Variants in CTNNA2 observed in about 807,000 individuals in gnomAD.
The protein encoded by CTNNA2 is catenin alpha-2.
CTNNA2 carries 42 observed loss-of-function variants against 101.0 expected under a neutral mutation model. The ratio of observed to expected loss-of-function variants is 0.42; its 90% CI spans 0.32 to 0.54. CTNNA2 has a LOEUF of 0.54. Ranked by LOEUF, CTNNA2 falls within the 20% of genes least tolerant of loss-of-function variation. CTNNA2 has a pLI of 0.14. For synonymous variants in CTNNA2, 450 were observed against 456.4 expected (o/e 0.99, Z 0.18); for missense variants, 871 against 1,223.1 (o/e 0.71, Z 4.29).
At chr2:80,213,320 A>G (rs1708029114) in intron 7 of CTNNA2, among the ~76,000 whole-genome samples, 2 of 152,078 alleles carry the variant, frequency 1.3e-5, no homozygotes, top group African/African-American at 4.8e-5. Context: ...TGTCAATTTT[A>G]GATCTTTCCT....
At chr2:79,549,773 A>G (rs1673973756) in intron 1 of CTNNA2, among the ~76,000 whole-genome samples, 1 of 152,152 alleles carries the variant, frequency 6.6e-6, no homozygotes, top group South Asian at 2.1e-4. Flanking sequence ...AATTGGGGAT[A>G]TCATGGGAGG....
At chr2:80,033,606 C>T (rs1251223582) in intron 7 of CTNNA2, among the ~76,000 whole-genome samples, 2 of 152,036 alleles carry the variant, frequency 1.3e-5, no homozygotes, top group Admixed American at 6.6e-5. Flanking sequence ...AAACACTCAC[C>T]AAATTCGTAG....
At chr2:80,457,913 T>G (rs1684115017) in intron 9 of CTNNA2, among the ~76,000 whole-genome samples, 2 of 152,228 alleles carry the variant, frequency 1.3e-5, no homozygotes, top group African/African-American at 4.8e-5. Flanking sequence ...AAGAGATGAT[T>G]CACTTTTGAA....
intron 3 of CTNNA2, among the ~76,000 whole-genome samples, chr2:79,793,935 AACAT>A (rs1675489284): frequency 7.3e-6 from 1 of 137,492 alleles, no homozygotes; most frequent in South Asian, 2.1e-4. Context: ...AAGGAGATAA[AACAT>A]ACAAGAATAA....
At chr2:79,587,685 C>G (rs1676584639) in intron 1 of CTNNA2, among the ~76,000 whole-genome samples, 2 of 152,148 alleles carry the variant, frequency 1.3e-5, no homozygotes, top group African/African-American at 2.4e-5. Flanking sequence ...CATCATGGCT[C>G]AAAAGCCACT....
intron 8 of CTNNA2, among the ~76,000 whole-genome samples, chr2:80,413,836 G>T (rs1274550049): frequency 6.6e-6 from 1 of 152,138 alleles, no homozygotes; most frequent in Non-Finnish European, 1.5e-5. Context: ...GATTTTTTGA[G>T]CCTATTTGAA....
chr2:79,671,052 C>A (rs1294780047), intron 2 of CTNNA2, among the ~76,000 whole-genome samples: 1 of 152,178 alleles, frequency 6.6e-6, no homozygotes, highest in African/African-American at 2.4e-5. Flanking sequence ...CTGTTAACTG[C>A]CTACAGCACA....
chr2:79,926,998 T>C (rs1687064188), intron 7 of CTNNA2, among the ~76,000 whole-genome samples: 1 of 152,098 alleles, frequency 6.6e-6, no homozygotes, highest in Admixed American at 6.5e-5. Context: ...TTGAAAGGTG[T>C]ACAGCAATAA....
chr2:79,865,504 G>C (rs921532752), intron 4 of CTNNA2, among the ~76,000 whole-genome samples: 10 of 152,260 alleles, frequency 6.6e-5, no homozygotes, highest in Admixed American at 5.9e-4. Flanking sequence ...CTGGAATGGG[G>C]TCAGTCTGTC....
chr2:80,056,828 A>C (rs1323387245), intron 7 of CTNNA2, among the ~76,000 whole-genome samples: 1 of 152,158 alleles, frequency 6.6e-6, no homozygotes, highest in Admixed American at 6.5e-5. Context: ...GCTGATGTGC[A>C]TGGTTGATCC....
intron 7 of CTNNA2, among the ~76,000 whole-genome samples, chr2:80,237,663 C>T (rs1160867096): frequency 9.2e-5 from 14 of 152,046 alleles, no homozygotes; most frequent in African/African-American, 2.4e-5. Context: ...ATAGCCCTAC[C>T]CTGGGCAACA....
intron 4 of CTNNA2, among the ~76,000 whole-genome samples, chr2:79,499,772 C>G (rs755608334): frequency 5.9e-5 from 9 of 152,198 alleles, no homozygotes; most frequent in Non-Finnish European, 1.0e-4. Flanking sequence ...CTACATGGAG[C>G]CTTGCAGGCA....
At chr2:79,473,813 A>G (rs1671025454) in intron 4 of CTNNA2, among the ~76,000 whole-genome samples, 1 of 152,180 alleles carries the variant, frequency 6.6e-6, no homozygotes, top group Non-Finnish European at 1.5e-5. Flanking sequence ...GAGATAAAGA[A>G]TGCTAGAAAT....
At chr2:79,218,444 A>C (rs1674298034) in intron 2 of CTNNA2, among the ~76,000 whole-genome samples, 1 of 151,524 alleles carries the variant, frequency 6.6e-6, no homozygotes, top group Non-Finnish European at 1.5e-5. Flanking sequence ...CAGCCTCCCA[A>C]AGAGCTGGGA....
At chr2:79,871,052 A>G (rs1167674856) in intron 5 of CTNNA2, among the ~76,000 whole-genome samples, 1 of 152,198 alleles carries the variant, frequency 6.6e-6, no homozygotes, top group African/African-American at 2.4e-5. Flanking sequence ...TTCTTTCGCC[A>G]TAGAAAAAAT....
chr2:79,399,383 A>T (rs1678266296), intron 4 of CTNNA2, among the ~76,000 whole-genome samples: 1 of 152,122 alleles, frequency 6.6e-6, no homozygotes, highest in Non-Finnish European at 1.5e-5. Flanking sequence ...TCAGACCTTA[A>T]GGCTGTAGAC....
intron 1 of CTNNA2, among the ~76,000 whole-genome samples, chr2:79,545,608 G>A (rs935284324): frequency 6.6e-6 from 1 of 152,074 alleles, no homozygotes; most frequent in Non-Finnish European, 1.5e-5. Context: ...GTGTAGTTGG[G>A]GGATGTTGTT....
At position 79,979,266 on chromosome 2, in the gene CTNNA2, C is replaced by T. The variant is rs114556613; in HGVS notation, c.1056+69469C>T. Among the ~76,000 whole-genome samples the T allele has an allele frequency of 7.3e-3, 1,107 of 152,156 alleles. 19 individuals are homozygous for T. Among genetic ancestry groups the T allele is most frequent in the African/African-American group, 0.025 (1,050 of 41,520 alleles). ...GGTGCAGTGGTGCCTGCCTGTAGTC[C>T]CAGCTACTCATGCGGCTGAGGTGAG... On this transcript the variant is annotated intron_variant, in intron 7 of 18. Coordinates refer to ENST00000402739, the MANE Select transcript of CTNNA2 (RefSeq NM_001282597.3).
At position 80,306,012 on chromosome 2, in the gene CTNNA2, A is replaced by G. The variant is rs568340054; in HGVS notation, c.1057-87199A>G. On this transcript the variant is annotated intron_variant, in intron 7 of 18. Coordinates refer to ENST00000402739, the MANE Select transcript of CTNNA2 (RefSeq NM_001282597.3). ...GTGGATTACCAGAGCCAGGGTAGAT[A>G]GACTGGACAAGTAACTGGATTGGTC... 9.8e-5 allele frequency among the ~76,000 whole-genome samples: 15 copies of G among 152,344 alleles called. No individual in the cohort carries two copies. In the East Asian group the frequency reaches 2.5e-3, roughly 25 times the overall value.
Sources: gnomAD v4.1 joint callset for allele counts (sites outside exome capture counted in the v4.1 genomes callset) on GRCh38, gnomAD v4.1.1 for gene constraint, MANE v1.5 for transcripts, NCBI Gene and HGNC (gene_info 2026-07-23, HGNC 2026-07-21) for gene names.